Variants in DRC8 observed in about 807,000 individuals in gnomAD.
The protein encoded by DRC8 is dynein regulatory complex subunit 8, also known as dynein regulatory complex protein 8.
At chr1:245,088,315 G>GACACACACACACACACACACACACAC in the DRC8 span, among the ~76,000 whole-genome samples, 5 of 145,488 alleles carry the variant, frequency 3.4e-5, no homozygotes, top group Non-Finnish European at 7.5e-5. This position sits in a 1 kb window ranked among gnomAD's most constrained non-coding sequence, Gnocchi z 4.6. Context: ...GTTATAACAA[G>GACACACACACACACACACACACACAC]ACACACACAC....
At chr1:245,073,732 A>G in the DRC8 span, among the ~76,000 whole-genome samples, 56,157 of 151,956 alleles carry the variant, frequency 0.37, 10,572 homozygotes, top group Middle Eastern at 0.45. Flanking sequence ...ACACAAATAT[A>G]ATATGTGGAT....
the DRC8 span, among the ~76,000 whole-genome samples, chr1:245,067,612 A>G: frequency 1.1e-4 from 16 of 152,274 alleles, no homozygotes; most frequent in African/African-American, 3.9e-4. Context: ...TTAATTGGTT[A>G]AGTATCCTTG....
the DRC8 span, among the ~76,000 whole-genome samples, chr1:245,051,428 A>G: frequency 2.0e-5 from 3 of 151,938 alleles, no homozygotes; most frequent in South Asian, 2.1e-4. Flanking sequence ...AACCATCGAT[A>G]TTATTTTGCA....
the DRC8 span, among the ~76,000 whole-genome samples, chr1:245,104,201 C>A: frequency 6.6e-6 from 1 of 152,120 alleles, no homozygotes; most frequent in Admixed American, 6.5e-5. Context: ...AAATGTTAAC[C>A]CTTAAAGAGT....
chr1:244,988,217 A>G, the DRC8 span, among the ~76,000 whole-genome samples: 5 of 152,226 alleles, frequency 3.3e-5, no homozygotes, highest in Non-Finnish European at 5.9e-5. Context: ...GGGTCCCACT[A>G]TGTTGCCTAG....
At chr1:244,997,624 A>G in the DRC8 span, among the ~76,000 whole-genome samples, 1,016 of 147,204 alleles carry the variant, frequency 6.9e-3, 10 homozygotes, top group African/African-American at 0.024. Flanking sequence ...GCTCACCACA[A>G]CCTCTGCCTC....
At chr1:245,022,967 C>G in the DRC8 span, 1 of 152,156 alleles carries the variant, frequency 6.6e-6, no homozygotes, top group Non-Finnish European at 1.5e-5. Context: ...GTTTCATTAT[C>G]TTAGGTGCCT....
the DRC8 span, among the ~76,000 whole-genome samples, chr1:245,096,644 CTG>C: frequency 6.6e-6 from 1 of 152,218 alleles, no homozygotes; most frequent in Admixed American, 6.5e-5. Context: ...CTGGCTCTGC[CTG>C]TGGGACTCAC....
chr1:244,995,070 G>A, the DRC8 span, among the ~76,000 whole-genome samples: 1 of 152,018 alleles, frequency 6.6e-6, no homozygotes, highest in African/African-American at 2.4e-5. Context: ...GTTTAAAAGA[G>A]ACAGGTTCTC....
At chr1:244,976,268 C>T in the DRC8 span, among the ~76,000 whole-genome samples, 5 of 148,474 alleles carry the variant, frequency 3.4e-5, no homozygotes, top group Non-Finnish European at 5.9e-5. Flanking sequence ...GACTCCATCT[C>T]AAAACAAAAA....
the DRC8 span, chr1:245,030,938 G>A: frequency 3.3e-5 from 5 of 152,254 alleles, no homozygotes; most frequent in African/African-American, 1.2e-4. Flanking sequence ...ATAGAGGGAC[G>A]CCTTATTTTG....
the DRC8 span, among the ~76,000 whole-genome samples, chr1:245,071,480 C>T: frequency 6.6e-6 from 1 of 152,182 alleles, no homozygotes; most frequent in Non-Finnish European, 1.5e-5. Flanking sequence ...TGGCAAGGAA[C>T]TTGTCTGAAT....
chr1:245,041,234 C>T, the DRC8 span, among the ~76,000 whole-genome samples: 1 of 151,572 alleles, frequency 6.6e-6, no homozygotes, highest in Admixed American at 6.6e-5. Context: ...GGATAGTGTA[C>T]CTGTGAGGTC....
the DRC8 span, among the ~76,000 whole-genome samples, chr1:245,013,525 T>C: frequency 6.6e-6 from 1 of 152,046 alleles, no homozygotes; most frequent in Non-Finnish European, 1.5e-5. Flanking sequence ...TTGGGCAGGA[T>C]TGTTCAATAA....
chr1:245,010,897 G>T, the DRC8 span, among the ~76,000 whole-genome samples: 3,555 of 151,936 alleles, frequency 0.023, 155 homozygotes, highest in African/African-American at 0.082. Context: ...TAGCCAGGAT[G>T]GTCTCGATCT....
chr1:245,053,126 C>T, the DRC8 span, among the ~76,000 whole-genome samples: 2 of 152,168 alleles, frequency 1.3e-5, no homozygotes, highest in South Asian at 4.1e-4. Flanking sequence ...CTTCTCTTAA[C>T]CTTTCAATCA....
chr1:245,082,163 G>A, the DRC8 span: 3 of 1,608,562 alleles, frequency 1.9e-6, no homozygotes, highest in South Asian at 1.1e-5. Flanking sequence ...TAGAAAGAAA[G>A]TAAGTAAGTA....
chr1:244,970,663 TCC>T, the DRC8 span: 74 of 35,380 alleles, frequency 2.1e-3, no homozygotes, highest in East Asian at 0.35. Flanking sequence ...CCCGCCTCTC[TCC>T]CCCGCCCCGC....
the DRC8 span, among the ~76,000 whole-genome samples, chr1:244,999,477 T>G: frequency 1.2e-4 from 18 of 152,238 alleles, no homozygotes; most frequent in African/African-American, 4.1e-4. Context: ...ACTTGTCTTC[T>G]CCAGGACCCC....
Sources: gnomAD v4.1 joint callset for allele counts (sites outside exome capture counted in the v4.1 genomes callset) on GRCh38, gnomAD v4.1.1 for gene constraint, Gnocchi (gnomAD v3.1) non-coding constraint, MANE v1.5 for transcripts, NCBI Gene and HGNC (gene_info 2026-07-23, HGNC 2026-07-21) for gene names.